Variants in MYO9B observed in about 807,000 individuals in gnomAD.
The protein encoded by MYO9B is myosin IXB, also known as unconventional myosin-IXb.
A neutral mutation model predicts 229.5 loss-of-function variants in MYO9B; 71 were observed. The observed-to-expected ratio is 0.31, with a 90% CI of 0.26 to 0.38. MYO9B has a LOEUF of 0.38. Ranked by LOEUF, MYO9B falls within the 10% of genes least tolerant of loss-of-function variation. The probability of loss-of-function intolerance (pLI) is 1.00; values close to 1 mark genes in which losing one functional copy is unlikely to be tolerated. For synonymous variants in MYO9B, 1,185 were observed against 1,235.8 expected (o/e 0.96, Z 0.86); for missense variants, 2,255 against 2,920.5 (o/e 0.77, Z 5.25).
intron 2 of MYO9B, among the ~76,000 whole-genome samples, chr19:17,118,049 G>C (rs940072360): frequency 2.0e-5 from 3 of 151,898 alleles, no homozygotes; most frequent in Non-Finnish European, 4.4e-5. Context: ...TTTGGCAACT[G>C]CTGGAGACAT....
intron 25 of MYO9B, 74 bp downstream of exon 25, chr19:17,200,500 G>A (rs1004813422): frequency 1.9e-5 from 29 of 1,518,382 alleles, no homozygotes; most frequent in Admixed American, 6.7e-5. Flanking sequence ...GTCCCCAAAC[G>A]GGGCCTTGAG....
intron 36 of MYO9B, 117 bp from the exon 37 acceptor site, chr19:17,210,215 TG>T: frequency 9.6e-7 from 1 of 1,043,946 alleles, no homozygotes; most frequent in South Asian, 1.8e-5. Flanking sequence ...GAACGGGCTC[TG>T]GGCTCCTGTG....
intron 1 of MYO9B, among the ~76,000 whole-genome samples, chr19:17,099,472 G>A (rs978594067): frequency 4.6e-5 from 7 of 152,110 alleles, no homozygotes; most frequent in Admixed American, 2.0e-4. Context: ...GCCTGGCGCA[G>A]TGGCTCACTC....
At chr19:17,082,709 G>A (rs1409282484) in intron 1 of MYO9B, among the ~76,000 whole-genome samples, 2 of 152,104 alleles carry the variant, frequency 1.3e-5, no homozygotes, top group Non-Finnish European at 2.9e-5. Context: ...TTATTGGGTA[G>A]GCACAAGAAC....
intron 18 of MYO9B, 71 bp from the exon 19 acceptor site, chr19:17,187,864 G>A (rs2072936319): frequency 4.5e-6 from 6 of 1,327,884 alleles, no homozygotes; most frequent in African/African-American, 1.5e-5. Flanking sequence ...TCCCAGGCCT[G>A]AGCCAGCAAC....
chr19:17,199,654 CAG>C (rs973441855), intron 24 of MYO9B, among the ~76,000 whole-genome samples: 1 of 151,032 alleles, frequency 6.6e-6, no homozygotes, highest in Non-Finnish European at 1.5e-5. Context: ...GCTGGGAGTA[CAG>C]GTGTGCACCA....
intron 2 of MYO9B, among the ~76,000 whole-genome samples, chr19:17,114,541 G>A (rs1202941309): frequency 6.6e-6 from 1 of 152,176 alleles, no homozygotes; most frequent in Non-Finnish European, 1.5e-5. Context: ...GTCTTACAAT[G>A]TTGTTTGTAA....
intron 2 of MYO9B, among the ~76,000 whole-genome samples, chr19:17,121,785 A>G (rs1253923898): frequency 2.0e-5 from 3 of 152,144 alleles, no homozygotes; most frequent in African/African-American, 7.2e-5. Flanking sequence ...CAGGAGTTTG[A>G]GACCAGCCTG....
chr19:17,140,575 G>A (rs1410842935), intron 2 of MYO9B, among the ~76,000 whole-genome samples: 5 of 151,530 alleles, frequency 3.3e-5, no homozygotes, highest in South Asian at 2.1e-4. Context: ...CGCAACCTCC[G>A]CCTCCCGGGT....
intron 2 of MYO9B, among the ~76,000 whole-genome samples, chr19:17,127,500 T>C (rs969744320): frequency 1.3e-5 from 2 of 152,010 alleles, no homozygotes; most frequent in Admixed American, 1.3e-4. Flanking sequence ...CTAATTTCTT[T>C]TGTATTTTGG....
intron 7 of MYO9B, 195 bp downstream of exon 7, chr19:17,157,233 T>A (rs920610071): frequency 3.3e-6 from 2 of 609,352 alleles, no homozygotes; most frequent in African/African-American, 3.8e-5. Flanking sequence ...CACCTCCTCC[T>A]CCCACCCTCA....
intron 1 of MYO9B, among the ~76,000 whole-genome samples, chr19:17,085,289 G>A (rs765469439): frequency 8.5e-5 from 13 of 152,202 alleles, no homozygotes; most frequent in Non-Finnish European, 1.8e-4. Context: ...TCATGGCCAG[G>A]AGGAGGAGCA....
At chr19:17,191,279 G>A (rs1000249030) in intron 20 of MYO9B, 60 bp downstream of exon 20, 10 of 1,549,804 alleles carry the variant, frequency 6.5e-6, no homozygotes, top group Admixed American at 1.9e-5. Context: ...ACCGCACACC[G>A]TGTCTCCCCA....
intron 2 of MYO9B, among the ~76,000 whole-genome samples, chr19:17,123,459 T>TGTGTGTGTGTGTGA (rs918388744): frequency 4.0e-5 from 6 of 149,440 alleles, no homozygotes; most frequent in East Asian, 2.0e-4. Flanking sequence ...TGTGTGTGTG[T>TGTGTGTGTGTGTGA]GATGGAGTTT....
Position 17,212,170 on chromosome 19 carries a change from A to G in MYO9B, c.6334A>G (p.Ile2112Val). ...RRPDQIHSVY[I>V]TPGADLPVQG... Reference sequence around the variant, plus strand: ...CCCGGACCAGATACATTCCGTGTACATCACGCCCGGGGCAGACCTGCCAGT... The same window carrying G: ...CCCGGACCAGATACATTCCGTGTACGTCACGCCCGGGGCAGACCTGCCAGT... The change falls in exon 40 of 40, where the codon ATC becomes GTC. Residue 2112 changes from isoleucine (I) to valine (V), a missense_variant. Coordinates refer to ENST00000682292, the MANE Select transcript of MYO9B (RefSeq NM_004145.4). This position sits in a 1 kb window ranked among gnomAD's most constrained non-coding sequence, Gnocchi z 5.4. The G allele has an allele frequency of 6.3e-7, 1 of 1,582,760 alleles. No homozygotes were observed. The highest frequency in any genetic ancestry group is 1.1e-5 in the South Asian group (1 of 87,478).
At position 17,197,787 on chromosome 19, in the gene MYO9B, C is replaced by G. The variant is rs371214168; in HGVS notation, c.4047-5C>G. The G allele has an allele frequency of 6.2e-7, 1 of 1,613,796 alleles. No individual in the cohort carries two copies. The highest frequency in any genetic ancestry group is 1.7e-5 in the Admixed American group (1 of 60,006). ...AGTAAAAGCCATGTTTCTGTGATCT[C>G]GCAGGGAGAGGCGCACCTCCTTCTC... is the stretch of plus-strand genomic sequence containing the variant. On this transcript the variant is annotated splice_polypyrimidine_tract_variant and splice_region_variant and intron_variant, in intron 22 of 39. Transcript: ENST00000682292.
chr19:17,170,424 G>A (rs2072710121), intron 11 of MYO9B, among the ~76,000 whole-genome samples: 1 of 151,980 alleles, frequency 6.6e-6, no homozygotes, highest in Admixed American at 6.6e-5. Flanking sequence ...TCAAATGAAT[G>A]AGGCACATCC....
rs947344681 is a variant in MYO9B, at chr19:17,203,275, C to G, written c.4990+17C>G. 1.0e-5 allele frequency: 16 copies of G among 1,532,856 alleles called. No homozygotes were observed. Among genetic ancestry groups the G allele is most frequent in the Non-Finnish European group, 1.4e-5 (16 of 1,132,216 alleles). 95.0% of individuals were successfully genotyped at this position (1,532,856 alleles called of 1,614,324 possible). A position where few individuals can be genotyped will look rare whatever the true frequency, so the allele number is the denominator to read the frequency against. Reference sequence around the variant, plus strand: ...TCTGCAGCGGTGAGTGGCTCCCCCACCAGGCCCCAAAACCCTCCATGTCCC... The same window carrying G: ...TCTGCAGCGGTGAGTGGCTCCCCCAGCAGGCCCCAAAACCCTCCATGTCCC... On this transcript the variant is annotated intron_variant, in intron 30 of 39. Transcript: ENST00000682292.
In MYO9B at chr19:17,159,383, A is replaced by C. The variant is rs1432162406; in HGVS notation, c.1330-12A>C. The C allele has an allele frequency of 6.3e-7, 1 of 1,594,574 alleles. No homozygotes were observed. Among genetic ancestry groups the C allele is most frequent in the African/African-American group, 1.3e-5 (1 of 74,428 alleles). ...TCCCTTTTCCTTCTCCCTCTCCTTGACCTCCAAACAGGTGAAGCGAGAAAT... is the reference window on the plus strand; with the variant it reads ...TCCCTTTTCCTTCTCCCTCTCCTTGCCCTCCAAACAGGTGAAGCGAGAAAT... On this transcript the variant is annotated splice_polypyrimidine_tract_variant and intron_variant, in intron 7 of 39. Coordinates refer to ENST00000682292, the MANE Select transcript of MYO9B (RefSeq NM_004145.4).
Sources: gnomAD v4.1 joint callset for allele counts (sites outside exome capture counted in the v4.1 genomes callset) on GRCh38, gnomAD v4.1.1 for gene constraint, Gnocchi (gnomAD v3.1) non-coding constraint, MANE v1.5 for transcripts, NCBI Gene and HGNC (gene_info 2026-07-23, HGNC 2026-07-21) for gene names.